BABAM2: variants seen among roughly 807,000 people sequenced by gnomAD.
The protein encoded by BABAM2 is BRISC and BRCA1 A complex member 2, also known as BRISC and BRCA1-A complex member 2.
Under a neutral mutation model 54.7 loss-of-function variants are expected in BABAM2, and 31 were observed. That is an observed-to-expected ratio of 0.57 (90% CI 0.43 to 0.77). The LOEUF (loss-of-function observed/expected upper bound fraction) is 0.77. Ranked by LOEUF, BABAM2 falls within the 30% of genes least tolerant of loss-of-function variation. The pLI, the probability that BABAM2 is intolerant of heterozygous loss-of-function variation, is 0.00. For synonymous variants in BABAM2, 167 were observed against 162.9 expected, an observed-to-expected ratio of 1.03 and a Z score of -0.19; for missense variants, 364 against 455.8, an observed-to-expected ratio of 0.80 and a Z score of 1.83.
chr2:27,922,470 T>TA (rs1366346792), intron 2 of BABAM2, among the ~76,000 whole-genome samples: 1 of 152,256 alleles, frequency 6.6e-6, no homozygotes, highest in Admixed American at 6.5e-5. Flanking sequence ...ATTTCTGTAA[T>TA]AAAGTACTAG....
chr2:28,029,201 G>A (rs1413050646), intron 5 of BABAM2, among the ~76,000 whole-genome samples: 1 of 152,222 alleles, frequency 6.6e-6, no homozygotes, highest in Non-Finnish European at 1.5e-5. Flanking sequence ...CTTTTGTAAA[G>A]TCTTGAATTT....
At chr2:28,266,610 A>G (rs1685006186) in intron 10 of BABAM2, among the ~76,000 whole-genome samples, 1 of 152,242 alleles carries the variant, frequency 6.6e-6, no homozygotes, top group Admixed American at 6.5e-5. Context: ...AGCCCCATGA[A>G]GTTGGTAGGA....
intron 7 of BABAM2, among the ~76,000 whole-genome samples, chr2:28,201,235 C>T (rs996295529): frequency 6.6e-6 from 1 of 151,984 alleles, no homozygotes; most frequent in Non-Finnish European, 1.5e-5. Context: ...TTCCAGTATG[C>T]AACATGATAG....
At chr2:28,056,771 A>G (rs1196303569) in intron 6 of BABAM2, among the ~76,000 whole-genome samples, 1 of 152,260 alleles carries the variant, frequency 6.6e-6, no homozygotes, top group Non-Finnish European at 1.5e-5. Flanking sequence ...AATGCAAAGT[A>G]CACTAATACA....
Position 28,304,363 on chromosome 2 carries a change from G to C in BABAM2, c.1088+5872G>C, listed in dbSNP as rs1382542237. On this transcript the variant is annotated intron_variant, in intron 11 of 11. Transcript: ENST00000379624. The surrounding 1 kb of genome is among the most constrained non-coding windows in gnomAD (Gnocchi z 4.0). ...GAGCCACTGCATTCCACCTGTTTTTGCTTTTATTGTAAATTATATAAAAAT... is the reference window on the plus strand; with the variant it reads ...GAGCCACTGCATTCCACCTGTTTTTCCTTTTATTGTAAATTATATAAAAAT... 6.7e-6 allele frequency among the ~76,000 whole-genome samples: 1 copy of C among 150,200 alleles called. No individual in the cohort carries two copies. Among genetic ancestry groups the C allele is most frequent in the East Asian group, 1.9e-4 (1 of 5,156 alleles).
In BABAM2 at chr2:28,321,865, G is replaced by A. The variant is rs149929573; in HGVS notation, c.1089-16585G>A. Among the ~76,000 whole-genome samples the A allele has an allele frequency of 1.6e-3, 243 of 151,746 alleles. 1 individual carries two copies. Among genetic ancestry groups the A allele is most frequent in the African/African-American group, 2.2e-3 (90 of 41,346 alleles). ...GGAGGATTGTGGAGTTCCTTGTCCC[G>A]GGTCAGTTCCCAGCTCAGCATTGAT... On this transcript the variant is annotated intron_variant, in intron 11 of 11. Transcript: ENST00000379624.
At chr2:28,320,207 G>A (rs1024239943) in intron 11 of BABAM2, among the ~76,000 whole-genome samples, 18 of 152,240 alleles carry the variant, frequency 1.2e-4, no homozygotes, top group African/African-American at 4.3e-4. Context: ...AAGAGGCAGC[G>A]AGCCGACAGC....
At chr2:28,200,567 A>G (rs745920759) in intron 7 of BABAM2, among the ~76,000 whole-genome samples, 5 of 152,234 alleles carry the variant, frequency 3.3e-5, no homozygotes, top group Non-Finnish European at 5.9e-5. Context: ...TGGAGCAATT[A>G]ATCGGCTTTG....
chr2:28,327,555 C>T (rs1213824033), intron 11 of BABAM2: 30 of 1,302,632 alleles, frequency 2.3e-5, no homozygotes, highest in Middle Eastern at 2.4e-4. Flanking sequence ...CCTCCTAAAA[C>T]GGCATTTGAT....
intron 7 of BABAM2, among the ~76,000 whole-genome samples, chr2:28,141,027 C>G (rs1263396339): frequency 6.6e-6 from 1 of 152,114 alleles, no homozygotes; most frequent in African/African-American, 2.4e-5. Flanking sequence ...CATATCTCTT[C>G]TTTTTCTTGT....
At chr2:28,067,060 T>G (rs1404925577) in intron 6 of BABAM2, among the ~76,000 whole-genome samples, 1 of 152,212 alleles carries the variant, frequency 6.6e-6, no homozygotes, top group Non-Finnish European at 1.5e-5. Context: ...GCCTCCTGAA[T>G]AGCTGGGATT....
chr2:28,045,116 A>G (rs1558683515), intron 5 of BABAM2, among the ~76,000 whole-genome samples: 1 of 152,206 alleles, frequency 6.6e-6, no homozygotes, highest in Non-Finnish European at 1.5e-5. Context: ...GCTTAGTTAA[A>G]TGTTTTAAAT....
rs1377609604 is a variant in BABAM2, at chr2:27,953,188, T to A, written c.205+23280T>A. Among the ~76,000 whole-genome samples, 7 of 152,090 alleles carry A rather than the reference T, an allele frequency of 4.6e-5. No individual in the cohort carries two copies. In the East Asian group the frequency reaches 1.4e-3, roughly 29 times the overall value. On this transcript the variant is annotated intron_variant, in intron 3 of 11. Coordinates refer to ENST00000379624, the MANE Select transcript of BABAM2 (RefSeq NM_199191.3). ...TATGTCTGGCTAATTTTTTATTTTTTAATTTTCTTTGAGACAGAGGCTTGC... is the reference window on the plus strand; with the variant it reads ...TATGTCTGGCTAATTTTTTATTTTTAAATTTTCTTTGAGACAGAGGCTTGC...
intron 7 of BABAM2, among the ~76,000 whole-genome samples, chr2:28,136,128 AT>A (rs1322448435): frequency 6.6e-6 from 1 of 152,024 alleles, no homozygotes; most frequent in Admixed American, 6.6e-5. Context: ...CACATCTTGT[AT>A]TTTTTTCACT....
intron 11 of BABAM2, chr2:28,310,184 T>G: frequency 1.3e-6 from 2 of 1,599,308 alleles, no homozygotes; most frequent in Non-Finnish European, 1.7e-6. Flanking sequence ...TATTAGAACC[T>G]GACATCTGTT....
At chr2:28,214,574 G>A (rs1406163202) in intron 7 of BABAM2, among the ~76,000 whole-genome samples, 5 of 151,720 alleles carry the variant, frequency 3.3e-5, no homozygotes, top group African/African-American at 7.3e-5. Context: ...ATATACGTAT[G>A]CCTTTTTTCT....
intron 2 of BABAM2, among the ~76,000 whole-genome samples, chr2:27,903,301 C>T (rs1665945587): frequency 6.6e-6 from 1 of 152,162 alleles, no homozygotes; most frequent in South Asian, 2.1e-4. Context: ...AGGACAAATT[C>T]CCCCCTTCCA....
At chr2:28,016,471 C>T in intron 4 of BABAM2, 5 of 1,222,774 alleles carry the variant, frequency 4.1e-6, no homozygotes, top group Non-Finnish European at 6.0e-6. Context: ...CCCATTTGTC[C>T]CACTTGCCCA....
At chr2:28,292,635 GGGCCTCAACTCC>G (rs1441259456) in intron 10 of BABAM2, among the ~76,000 whole-genome samples, 3 of 152,146 alleles carry the variant, frequency 2.0e-5, no homozygotes, top group African/African-American at 7.2e-5. Context: ...TCACAAGATG[GGGCCTCAACTCC>G]AAGCCTCAAG....
Sources: allele counts gnomAD v4.1 joint callset (sites outside exome capture counted in the v4.1 genomes callset), GRCh38; gene constraint gnomAD v4.1.1; non-coding constraint Gnocchi (gnomAD v3.1); transcripts MANE v1.5; gene names NCBI Gene and HGNC (gene_info 2026-07-23, HGNC 2026-07-21).